Variants in PALD1 observed in about 807,000 individuals in gnomAD.
PALD1 encodes paladin.
A neutral mutation model predicts 96.0 loss-of-function variants in PALD1; 57 were observed. That is an observed-to-expected ratio of 0.59 (90% CI 0.48 to 0.74). PALD1 has a LOEUF of 0.74. Among genes scored for constraint, PALD1 ranks in the 30% least tolerant of loss-of-function variants. The pLI, the probability that PALD1 is intolerant of heterozygous loss-of-function variation, is 0.00. For missense variants in PALD1, 1,063 were observed against 1,143.7 expected (o/e 0.93, Z 1.02); for synonymous variants, 464 against 473.6 (o/e 0.98, Z 0.26).
In PALD1 at chr10:70,549,889, G is replaced by A. The variant is rs1173319600; in HGVS notation, c.2262+2443G>A. ...TTTAATGAGAGAGGAAGCAGAGCCAGCTAGGATTCTTACCCGCTCCCACCA... is the reference window on the plus strand; with the variant it reads ...TTTAATGAGAGAGGAAGCAGAGCCAACTAGGATTCTTACCCGCTCCCACCA... On this transcript the variant is annotated intron_variant, in intron 18 of 19. Transcript: ENST00000263563. 3.3e-5 allele frequency among the ~76,000 whole-genome samples: 5 copies of A among 152,182 alleles called. No individual in the cohort carries two copies. The East Asian group carries it at 5.8e-4, about 18-fold the overall frequency.
At chr10:70,554,184 T>G (rs1473132433) in intron 18 of PALD1, among the ~76,000 whole-genome samples, 1 of 152,164 alleles carries the variant, frequency 6.6e-6, no homozygotes, top group Non-Finnish European at 1.5e-5. Flanking sequence ...ATCCCAGCAC[T>G]TTGGGAGGCC....
chr10:70,479,123 C>T (rs1470311466), intron 1 of PALD1, 64 bp downstream of exon 1: 1 of 152,596 alleles, frequency 6.6e-6, no homozygotes, highest in Non-Finnish European at 1.5e-5. Context: ...CCCGGGCACC[C>T]CCCAGCCCGA....
At chr10:70,508,784 CGT>C (rs111850326) in intron 1 of PALD1, among the ~76,000 whole-genome samples, 2,096 of 100,024 alleles carry the variant, frequency 0.021, 91 homozygotes, top group African/African-American at 0.069. Context: ...CTCTGTATGG[CGT>C]GTGTGTGTGT....
chr10:70,535,552 C>G (rs1341852033), intron 10 of PALD1, among the ~76,000 whole-genome samples: 1 of 139,664 alleles, frequency 7.2e-6, no homozygotes. Context: ...CCTCCTCCTC[C>G]TTCCTCCTCC....
At position 70,531,277 on chromosome 10, in the gene PALD1, G is replaced by C. The variant is rs1417202043; in HGVS notation, c.469-13G>C. On this transcript the variant is annotated splice_polypyrimidine_tract_variant and intron_variant, in intron 4 of 19. Transcript: ENST00000263563. Reference sequence around the variant, plus strand: ...CATGATGATGGCTTCCTTCCCCCTCGGGCTCCTGGCAGGAGTGTGTCATCT... The same window carrying C: ...CATGATGATGGCTTCCTTCCCCCTCCGGCTCCTGGCAGGAGTGTGTCATCT... 6.2e-7 allele frequency: 1 copy of C among 1,605,968 alleles called. No individual in the cohort carries two copies. The highest frequency in any genetic ancestry group is 1.7e-5 in the Admixed American group (1 of 59,806).
rs1404513744 is a variant in PALD1, at chr10:70,567,395, A to C, written c.*662A>C. 1 of 152,764 alleles carries C rather than the reference A, an allele frequency of 6.5e-6. No individual in the cohort carries two copies. Among genetic ancestry groups the C allele is most frequent in the African/African-American group, 2.4e-5 (1 of 41,428 alleles). 9.5% of individuals were successfully genotyped at this position (152,764 alleles called of 1,614,324 possible). A position where few individuals can be genotyped will look rare whatever the true frequency, so the allele number is the denominator to read the frequency against. On this transcript the variant is annotated 3_prime_UTR_variant, in exon 20 of 20. Coordinates refer to ENST00000263563, the MANE Select transcript of PALD1 (RefSeq NM_014431.3). ...CTGGCAGGATGGTGGAGGTTTCTCA[A>C]GGAGCTGGAGACTTCAGGGAGCCCC...
intron 1 of PALD1, among the ~76,000 whole-genome samples, chr10:70,499,754 GT>G (rs1846260895): frequency 6.6e-6 from 1 of 152,190 alleles, no homozygotes; most frequent in Non-Finnish European, 1.5e-5. Context: ...ATTCTTGTGG[GT>G]TTTGTTTTGC....
chr10:70,543,765 CCTT>C (rs1479982720), intron 17 of PALD1, among the ~76,000 whole-genome samples: 1 of 152,156 alleles, frequency 6.6e-6, no homozygotes, highest in Non-Finnish European at 1.5e-5. Flanking sequence ...TCAGGCCTCT[CCTT>C]CTTCACACCA....
the PALD1 span, among the ~76,000 whole-genome samples, chr10:70,468,822 C>T: frequency 6.5e-3 from 987 of 151,864 alleles, 9 homozygotes; most frequent in Non-Finnish European, 0.011. Flanking sequence ...CGGCAACCTC[C>T]GCCCCCCAGG....
intron 1 of PALD1, among the ~76,000 whole-genome samples, chr10:70,501,834 T>TGTGTGTGTGTGTGTGTGCGCGC (rs774868338): frequency 3.8e-4 from 57 of 149,496 alleles, no homozygotes; most frequent in South Asian, 6.4e-4. Flanking sequence ...TGTGTGTGTG[T>TGTGTGTGTGTGTGTGTGCGCGC]GCGTGCGTGC....
intron 1 of PALD1, among the ~76,000 whole-genome samples, chr10:70,481,243 G>A (rs538420046): frequency 4.6e-5 from 7 of 152,342 alleles, no homozygotes; most frequent in African/African-American, 1.7e-4. Context: ...CAGAGCCAGC[G>A]GACAGCAGAG....
At chr10:70,530,661 C>T (rs1384456358) in intron 4 of PALD1, among the ~76,000 whole-genome samples, 1 of 152,140 alleles carries the variant, frequency 6.6e-6, no homozygotes, top group Non-Finnish European at 1.5e-5. Context: ...CGATTGTAGG[C>T]TTCTTGAGTG....
chr10:70,518,004 A>AGCAAT (rs1846652478), intron 1 of PALD1, among the ~76,000 whole-genome samples: 1 of 152,040 alleles, frequency 6.6e-6, no homozygotes, highest in South Asian at 2.1e-4. Context: ...CCCAGGTTCA[A>AGCAAT]GCAATTCTCC....
At chr10:70,460,911 C>T in the PALD1 span, among the ~76,000 whole-genome samples, 83 of 152,212 alleles carry the variant, frequency 5.5e-4, no homozygotes, top group Non-Finnish European at 7.6e-4. Context: ...AAAAATTAGC[C>T]GGGCGTGGTG....
chr10:70,469,060 C>T, the PALD1 span, among the ~76,000 whole-genome samples: 1 of 152,156 alleles, frequency 6.6e-6, no homozygotes, highest in Non-Finnish European at 1.5e-5. Context: ...GCATGTGTTC[C>T]TTCTGAGCCT....
chr10:70,475,175 A>C (rs1426330084), upstream of PALD1, among the ~76,000 whole-genome samples: 1 of 152,248 alleles, frequency 6.6e-6, no homozygotes, highest in Non-Finnish European at 1.5e-5. Context: ...CATAGGGGTC[A>C]CATGGTGGTA....
chr10:70,529,345 T>G lies in PALD1; in HGVS notation c.288+14T>G. ...TACCTGGTGCAAGTGAGCTCAGGCC[T>G]TACCCTGCCAGCCCGCCTGCTGCCT... is the stretch of plus-strand genomic sequence containing the variant. On this transcript the variant is annotated intron_variant, in intron 3 of 19. Coordinates refer to ENST00000263563, the MANE Select transcript of PALD1 (RefSeq NM_014431.3). The G allele has an allele frequency of 7.1e-7, 1 of 1,415,940 alleles. No homozygotes were observed. Among genetic ancestry groups the G allele is most frequent in the Non-Finnish European group, 9.9e-7 (1 of 1,007,566 alleles). 87.7% of individuals were successfully genotyped at this position (1,415,940 alleles called of 1,614,324 possible). A position where few individuals can be genotyped will look rare whatever the true frequency, so the allele number is the denominator to read the frequency against.
the PALD1 span, among the ~76,000 whole-genome samples, chr10:70,462,888 A>G: frequency 6.6e-6 from 1 of 152,194 alleles, no homozygotes; most frequent in Non-Finnish European, 1.5e-5. Flanking sequence ...CACACCCAGG[A>G]GCCCCTGTGG....
intron 18 of PALD1, among the ~76,000 whole-genome samples, chr10:70,559,550 C>T (rs1003872928): frequency 4.3e-4 from 65 of 152,222 alleles, no homozygotes; most frequent in African/African-American, 1.4e-3. Context: ...CAGGGGCTGT[C>T]GCTGAGTCAA....
Sources: allele counts gnomAD v4.1 joint callset (sites outside exome capture counted in the v4.1 genomes callset), GRCh38; gene constraint gnomAD v4.1.1; transcripts MANE v1.5; gene names NCBI Gene and HGNC (gene_info 2026-07-23, HGNC 2026-07-21).